Variants in RPP30 observed in about 807,000 individuals in gnomAD.
RPP30 encodes ribonuclease P protein subunit p30.
A neutral mutation model predicts 38.6 loss-of-function variants in RPP30; 36 were observed. The ratio of observed to expected loss-of-function variants is 0.93; its 90% CI spans 0.71 to 1.23. The LOEUF (loss-of-function observed/expected upper bound fraction) is 1.23. RPP30 is among the 50% of genes most tolerant of loss of function. The pLI, the probability that RPP30 is intolerant of heterozygous loss-of-function variation, is 0.00. For synonymous variants in RPP30, 126 were observed against 112.7 expected (o/e 1.12, Z -0.75); for missense variants, 321 against 321.7 (o/e 1.00, Z 0.02).
At chr10:90,902,425 C>A, downstream of RPP30, 1 of 262,174 alleles carries the variant, frequency 3.8e-6, no homozygotes, top group Non-Finnish European at 7.9e-6. Context: ...TTGCCATGTC[C>A]AGGCTAGTCT....
At chr10:90,904,962 T>G (rs1031184263), downstream of RPP30, among the ~76,000 whole-genome samples, 1 of 152,178 alleles carries the variant, frequency 6.6e-6, no homozygotes, top group Non-Finnish European at 1.5e-5. Context: ...AGATTAAAGA[T>G]TTAAATTTTT....
At chr10:90,893,423 A>G (rs1347022979) in intron 6 of RPP30, among the ~76,000 whole-genome samples, 1 of 152,186 alleles carries the variant, frequency 6.6e-6, no homozygotes, top group Non-Finnish European at 1.5e-5. Context: ...GAACATGCCT[A>G]CCATTCTTTC....
intron 8 of RPP30, 78 bp from the exon 9 acceptor site, chr10:90,895,802 T>A (rs10881848): frequency 0.21 from 228,065 of 1,062,616 alleles, 27,316 homozygotes; most frequent in African/African-American, 0.47. Flanking sequence ...ATACTTAAAT[T>A]TTCTATTAAT....
chr10:90,878,424 A>G (rs1846880079), intron 4 of RPP30, among the ~76,000 whole-genome samples: 1 of 151,966 alleles, frequency 6.6e-6, no homozygotes, highest in African/African-American at 2.4e-5. Flanking sequence ...GTATAAATGT[A>G]TTTTTTTCTA....
At position 90,872,222 on chromosome 10, in the gene RPP30, A is replaced by G. The variant is rs1292090614; in HGVS notation, c.82+154A>G. On this transcript the variant is annotated intron_variant, in intron 1 of 10. Coordinates refer to ENST00000371703, the MANE Select transcript of RPP30 (RefSeq NM_006413.5). ...TGATGCCCGCCGAGGTGTTGGTCTG[A>G]TTCCTAGCGCGGGAAACTCGAAGGT... The G allele has an allele frequency of 4.6e-6, 3 of 659,154 alleles. No homozygotes were observed. The South Asian group carries it at 5.5e-5, about 12-fold the overall frequency. The allele number at this position is 659,154 out of a possible 1,614,324, so 40.8% of individuals were successfully genotyped here. A position where few individuals can be genotyped will look rare whatever the true frequency, so the allele number is the denominator to read the frequency against.
At position 90,901,522 on chromosome 10, in the gene RPP30, C is replaced by T. The variant is rs982085566; in HGVS notation, c.*843C>T. ...CTCTTCCTTCACTGCTTCATGCCTA[C>T]GTAAGGTCTTTGAAATAGGATTCCT... On this transcript the variant is annotated 3_prime_UTR_variant, in exon 11 of 11. Transcript: ENST00000371703. The T allele has an allele frequency of 2.9e-5, 29 of 984,992 alleles. No homozygotes were observed. Among genetic ancestry groups the T allele is most frequent in the East Asian group, 2.3e-4 (2 of 8,834 alleles). The allele number at this position is 984,992 out of a possible 1,614,324, so 61.0% of individuals were successfully genotyped here. A position where few individuals can be genotyped will look rare whatever the true frequency, so the allele number is the denominator to read the frequency against.
At chr10:90,894,652 C>T in intron 6 of RPP30, 123 bp from the exon 7 acceptor site, 1 of 727,392 alleles carries the variant, frequency 1.4e-6, no homozygotes, top group Non-Finnish European at 2.5e-6. Flanking sequence ...TTTCATAAAG[C>T]TGTACCTTGA....
chr10:90,872,035 G>C lies in RPP30; in HGVS notation c.49G>C (p.Ala17Pro), dbSNP rs912731172. 2 of 1,614,172 alleles carry C rather than the reference G, an allele frequency of 1.2e-6. No individual in the cohort carries two copies. Among genetic ancestry groups the C allele is most frequent in the Middle Eastern group, 3.3e-4 (2 of 6,062 alleles). ...CCTGCGAGCGGGTTCTGACCTGAAG[G>C]CTCTGCGCGGACTTGTGGAGACAGC... ...LDLRAGSDLKALRGLVETAAH... is the reference protein window; with the variant it reads ...LDLRAGSDLKPLRGLVETAAH... Residue 17 changes from alanine (A) to proline (P), a missense_variant, in exon 1 of 11, where the codon GCT becomes CCT. Transcript: ENST00000371703.
At chr10:90,896,809 C>G (rs1847143893) in intron 10 of RPP30, among the ~76,000 whole-genome samples, 1 of 152,138 alleles carries the variant, frequency 6.6e-6, no homozygotes, top group Non-Finnish European at 1.5e-5. Context: ...TTTAAAAATC[C>G]AACTAACAAA....
At chr10:90,888,284 A>T (rs1262590278) in intron 6 of RPP30, among the ~76,000 whole-genome samples, 2 of 152,234 alleles carry the variant, frequency 1.3e-5, no homozygotes, top group African/African-American at 4.8e-5. Flanking sequence ...AGGAGCTAGC[A>T]TGTGATGTTA....
Position 90,901,162 on chromosome 10 carries a change from TCC to T in RPP30, c.*485_*486del. The stretch of plus-strand genomic sequence containing the variant: ...GCTATTTTTTTTTTTTTTTTTTTTT[TCC>T]CTTGTAGAGACATGGTCTCACTATG... On this transcript the variant is annotated 3_prime_UTR_variant, in exon 11 of 11. Coordinates refer to ENST00000371703, the MANE Select transcript of RPP30 (RefSeq NM_006413.5). 1 of 205,140 alleles carries T rather than the reference TCC, an allele frequency of 4.9e-6. No individual in the cohort carries two copies. The highest frequency in any genetic ancestry group is 7.8e-6 in the Non-Finnish European group (1 of 128,228). The allele number at this position is 205,140 out of a possible 1,614,324, so 12.7% of individuals were successfully genotyped here. A position where few individuals can be genotyped will look rare whatever the true frequency, so the allele number is the denominator to read the frequency against.
intron 6 of RPP30, among the ~76,000 whole-genome samples, chr10:90,893,399 G>A (rs1309904522): frequency 6.6e-6 from 1 of 152,138 alleles, no homozygotes; most frequent in Admixed American, 6.5e-5. Context: ...CAGAGACTTG[G>A]ACCATACTGC....
chr10:90,896,857 A>G (rs1438081004), intron 10 of RPP30, among the ~76,000 whole-genome samples: 1 of 152,174 alleles, frequency 6.6e-6, no homozygotes, highest in African/African-American at 2.4e-5. Context: ...ATAACTCAGA[A>G]TGTTTCTTTT....
chr10:90,896,821 C>T (rs182148710), intron 10 of RPP30, among the ~76,000 whole-genome samples: 14 of 152,330 alleles, frequency 9.2e-5, no homozygotes, highest in Admixed American at 3.9e-4. Flanking sequence ...ACTAACAAAA[C>T]ATAGACTGTA....
chr10:90,884,814 CT>C (rs764943656), intron 5 of RPP30, among the ~76,000 whole-genome samples: 2 of 152,322 alleles, frequency 1.3e-5, no homozygotes, highest in South Asian at 4.2e-4. Context: ...GCCCTTTCCC[CT>C]GGTACATGCC....
intron 10 of RPP30, 140 bp from the exon 11 acceptor site, chr10:90,900,430 G>A (rs908564688): frequency 6.9e-6 from 5 of 726,384 alleles, no homozygotes; most frequent in African/African-American, 1.8e-5. Flanking sequence ...AGATAATGAC[G>A]GTAAATGGCA....
intron 5 of RPP30, among the ~76,000 whole-genome samples, chr10:90,884,459 A>G (rs1300393113): frequency 6.6e-6 from 1 of 152,216 alleles, no homozygotes; most frequent in Non-Finnish European, 1.5e-5. Flanking sequence ...AATGGTGAAC[A>G]GAGCTGAATT....
intron 1 of RPP30, 54 bp downstream of exon 1, chr10:90,872,122 G>C: frequency 7.0e-7 from 1 of 1,432,958 alleles, no homozygotes; most frequent in Non-Finnish European, 9.9e-7. Context: ...AGACCATCGG[G>C]CCACACTCCG....
rs141221334 is a variant in RPP30 at position 90,895,897 on chromosome 10, G to A, written c.597G>A (p.Gly199=). The A allele has an allele frequency of 3.8e-6, 6 of 1,597,866 alleles. No individual in the cohort carries two copies. Among genetic ancestry groups the A allele is most frequent in the South Asian group, 3.4e-5 (3 of 87,310 alleles). ...SAAERPLEIR[G]PYDVANLGLL... Reference sequence around the variant, plus strand: ...TATTTCAGCCTTTAGAAATAAGAGGGCCATATGACGTGGCAAATCTGTATC... The same window carrying A: ...TATTTCAGCCTTTAGAAATAAGAGGACCATATGACGTGGCAAATCTGTATC... The change falls in exon 9 of 11, where the codon GGG becomes GGA. Residue 199 remains glycine, a synonymous_variant. Transcript: ENST00000371703.
Sources: allele counts gnomAD v4.1 joint callset (sites outside exome capture counted in the v4.1 genomes callset), GRCh38; gene constraint gnomAD v4.1.1; transcripts MANE v1.5; gene names NCBI Gene and HGNC (gene_info 2026-07-23, HGNC 2026-07-21).